NAALADL2: variants seen among roughly 807,000 people sequenced by gnomAD.
NAALADL2 encodes inactive N-acetylated-alpha-linked acidic dipeptidase-like protein 2.
NAALADL2 carries 76 observed loss-of-function variants against 87.2 expected under a neutral mutation model. The observed-to-expected ratio is 0.87, with a 90% CI of 0.72 to 1.05. The LOEUF (loss-of-function observed/expected upper bound fraction) is 1.05, where lower values mean the gene tolerates loss of function less well. Ranked by LOEUF, NAALADL2 falls within the 50% of genes least tolerant of loss-of-function variation. NAALADL2 has a pLI of 0.00. For synonymous variants in NAALADL2, 354 were observed against 331.0 expected (o/e 1.07, Z -0.75); for missense variants, 1,089 against 945.8 (o/e 1.15, Z -1.99).
chr3:175,710,229 A>G (rs1740341146), intron 11 of NAALADL2, among the ~76,000 whole-genome samples: 2 of 151,960 alleles, frequency 1.3e-5, no homozygotes, highest in South Asian at 4.1e-4. Flanking sequence ...GCTTACATGG[A>G]AAGAGCAGGA....
intron 1 of NAALADL2, among the ~76,000 whole-genome samples, chr3:174,478,038 T>TC (rs1717318413): frequency 6.6e-6 from 1 of 152,122 alleles, no homozygotes; most frequent in African/African-American, 2.4e-5. Flanking sequence ...ATACCAATAC[T>TC]CAGTTGTTGG....
At chr3:174,845,750 C>G (rs1436928761) in intron 3 of NAALADL2, among the ~76,000 whole-genome samples, 2 of 152,072 alleles carry the variant, frequency 1.3e-5, no homozygotes, top group East Asian at 3.9e-4. Context: ...ACCTGTTTTT[C>G]TGGGGGATAG....
intron 6 of NAALADL2, among the ~76,000 whole-genome samples, chr3:175,460,474 G>A (rs1560586454): frequency 6.6e-6 from 1 of 152,122 alleles, no homozygotes; most frequent in Non-Finnish European, 1.5e-5. Context: ...TGTAAATATA[G>A]CATTCTTCTC....
At chr3:175,323,741 G>A (rs1176345779) in intron 4 of NAALADL2, among the ~76,000 whole-genome samples, 1 of 151,838 alleles carries the variant, frequency 6.6e-6, no homozygotes, top group African/African-American at 2.4e-5. Flanking sequence ...GAAAAGGCCG[G>A]GTGCAGTGGC....
chr3:174,590,604 A>G (rs74966259), intron 2 of NAALADL2, among the ~76,000 whole-genome samples: 2,884 of 152,288 alleles, frequency 0.019, 100 homozygotes, highest in African/African-American at 0.065. Context: ...TCATAAGTGA[A>G]TAGAGCAGTG....
chr3:175,798,532 T>G (rs552590218), intron 13 of NAALADL2, among the ~76,000 whole-genome samples: 9 of 152,198 alleles, frequency 5.9e-5, no homozygotes, highest in African/African-American at 2.2e-4. Flanking sequence ...TAGGGCTTGT[T>G]TACAGTCATT....
intron 1 of NAALADL2, among the ~76,000 whole-genome samples, chr3:175,025,489 A>G (rs906003252): frequency 6.6e-6 from 1 of 152,168 alleles, no homozygotes; most frequent in Non-Finnish European, 1.5e-5. Context: ...CATGTACTAT[A>G]TAGTGTGACT....
At chr3:175,713,303 T>G (rs1740782075) in intron 11 of NAALADL2, among the ~76,000 whole-genome samples, 1 of 124,580 alleles carries the variant, frequency 8.0e-6, no homozygotes, top group Admixed American at 7.1e-5. Context: ...CAACAGTTAT[T>G]TTTTCATCAA....
chr3:174,877,744 T>A (rs530269503), intron 1 of NAALADL2, among the ~76,000 whole-genome samples: 3 of 152,190 alleles, frequency 2.0e-5, no homozygotes, highest in African/African-American at 7.2e-5. Flanking sequence ...GGAGAAGCAG[T>A]AAGACCAATG....
At chr3:175,421,595 G>A (rs1208026813) in intron 5 of NAALADL2, among the ~76,000 whole-genome samples, 1 of 152,042 alleles carries the variant, frequency 6.6e-6, no homozygotes, top group East Asian at 1.9e-4. Flanking sequence ...GGAGTACACA[G>A]AAGGGCAAAC....
At chr3:175,329,358 G>A (rs950063410) in intron 5 of NAALADL2, among the ~76,000 whole-genome samples, 3 of 152,108 alleles carry the variant, frequency 2.0e-5, no homozygotes, top group African/African-American at 7.2e-5. Flanking sequence ...GGATCTCTGT[G>A]TTGTTTATCT....
At chr3:175,286,778 A>C (rs1233614705) in intron 4 of NAALADL2, among the ~76,000 whole-genome samples, 1 of 152,126 alleles carries the variant, frequency 6.6e-6, no homozygotes, top group Admixed American at 6.6e-5. Flanking sequence ...CATTTATTGC[A>C]TGTAAAATTA....
chr3:175,048,167 G>A (rs1754910925), intron 1 of NAALADL2, among the ~76,000 whole-genome samples: 1 of 152,048 alleles, frequency 6.6e-6, no homozygotes, highest in African/African-American at 2.4e-5. Flanking sequence ...CATTGAGTGT[G>A]GGTTTTTCCC....
At chr3:174,471,876 A>G (rs926263132) in intron 1 of NAALADL2, among the ~76,000 whole-genome samples, 1 of 152,188 alleles carries the variant, frequency 6.6e-6, no homozygotes, top group Non-Finnish European at 1.5e-5. Context: ...CAGGTTAGTA[A>G]TTTTAATAAA....
intron 11 of NAALADL2, among the ~76,000 whole-genome samples, chr3:175,646,301 G>A (rs561797585): frequency 2.0e-5 from 3 of 151,710 alleles, no homozygotes; most frequent in Non-Finnish European, 2.9e-5. Flanking sequence ...TAAACAATAA[G>A]AACATGTTCC....
chr3:175,201,498 A>G (rs973084655), intron 2 of NAALADL2, among the ~76,000 whole-genome samples: 2 of 152,180 alleles, frequency 1.3e-5, no homozygotes, highest in African/African-American at 4.8e-5. Flanking sequence ...CCCATGGAAT[A>G]ATTAACTTTT....
At chr3:174,816,513 ATTTATAT>A (rs1720838615) in intron 3 of NAALADL2, among the ~76,000 whole-genome samples, 6 of 125,488 alleles carry the variant, frequency 4.8e-5, no homozygotes, top group African/African-American at 2.0e-4. Context: ...TTATACATTT[ATTTATAT>A]TATATTATAT....
At chr3:174,763,470 C>T (rs1249788638) in intron 3 of NAALADL2, among the ~76,000 whole-genome samples, 1 of 149,980 alleles carries the variant, frequency 6.7e-6, no homozygotes, top group African/African-American at 2.5e-5. Context: ...ACCTGTAATC[C>T]CAGCTACTTG....
intron 11 of NAALADL2, among the ~76,000 whole-genome samples, chr3:175,692,571 T>G (rs76207638): frequency 0.03 from 4,627 of 152,190 alleles, 231 homozygotes; most frequent in African/African-American, 0.11. Flanking sequence ...GGAAGAAAAG[T>G]AGATATCCTA....
Sources: allele counts gnomAD v4.1 joint callset (sites outside exome capture counted in the v4.1 genomes callset), GRCh38; gene constraint gnomAD v4.1.1; transcripts MANE v1.5; gene names NCBI Gene and HGNC (gene_info 2026-07-23, HGNC 2026-07-21).